MFHAS1: variants seen among roughly 807,000 people sequenced by gnomAD.
MFHAS1 encodes the protein malignant fibrous histiocytoma-amplified sequence 1.
A neutral mutation model predicts 70.4 loss-of-function variants in MFHAS1; 50 were observed. The ratio of observed to expected loss-of-function variants is 0.71; its 90% CI spans 0.57 to 0.90. The LOEUF is 0.90. MFHAS1 is among the 40% of genes least tolerant of loss of function. MFHAS1 has a pLI of 0.00. For synonymous variants in MFHAS1, 952 were observed against 620.0 expected, an observed-to-expected ratio of 1.54 and a Z score of -7.96; for missense variants, 1,795 against 1,347.6, an observed-to-expected ratio of 1.33 and a Z score of -5.20.
chr8:8,822,828 C>G (rs1050363907), intron 1 of MFHAS1, among the ~76,000 whole-genome samples: 8 of 146,886 alleles, frequency 5.4e-5, no homozygotes, highest in African/African-American at 1.8e-4. Flanking sequence ...GTCAGGGGGA[C>G]TGACACAGGG....
intron 1 of MFHAS1, among the ~76,000 whole-genome samples, chr8:8,885,469 C>G (rs900462290): frequency 2.6e-5 from 4 of 152,180 alleles, no homozygotes; most frequent in African/African-American, 9.7e-5. Context: ...AGGCCCGTGT[C>G]CTAACCACCA....
chr8:8,798,456 G>C (rs540481260), intron 1 of MFHAS1, among the ~76,000 whole-genome samples: 39 of 152,240 alleles, frequency 2.6e-4, no homozygotes, highest in African/African-American at 8.4e-4. Flanking sequence ...CTCCCAAATA[G>C]CTGGGACCAC....
intron 1 of MFHAS1, among the ~76,000 whole-genome samples, chr8:8,823,899 G>A (rs1807058078): frequency 8.0e-6 from 1 of 125,148 alleles, no homozygotes; most frequent in Non-Finnish European, 1.7e-5. Flanking sequence ...ATGTATGAGT[G>A]AGCGCTCACA....
At chr8:8,888,813 C>T (rs1361829219) in intron 1 of MFHAS1, among the ~76,000 whole-genome samples, 1 of 152,054 alleles carries the variant, frequency 6.6e-6, no homozygotes, top group Admixed American at 6.5e-5. Context: ...CCACAGAATG[C>T]CCAACACAGA....
chr8:8,884,309 G>C (rs568384963), intron 1 of MFHAS1, among the ~76,000 whole-genome samples: 1 of 152,150 alleles, frequency 6.6e-6, no homozygotes, highest in South Asian at 2.1e-4. Context: ...CAAAGTCCCA[G>C]GGAGTTCAGA....
chr8:8,888,666 T>C (rs766885338), intron 1 of MFHAS1, among the ~76,000 whole-genome samples: 13 of 152,226 alleles, frequency 8.5e-5, no homozygotes, highest in African/African-American at 1.4e-4. Flanking sequence ...GCAAAACTTA[T>C]GGAGACAGTA....
chr8:8,833,096 G>A (rs1298060265), intron 1 of MFHAS1, among the ~76,000 whole-genome samples: 2 of 152,088 alleles, frequency 1.3e-5, no homozygotes, highest in South Asian at 4.2e-4. Context: ...GAGAAGGGAA[G>A]GTGCCACACA....
chr8:8,837,581 T>A (rs944438146), intron 1 of MFHAS1, among the ~76,000 whole-genome samples: 1 of 151,792 alleles, frequency 6.6e-6, no homozygotes, highest in African/African-American at 2.4e-5. Flanking sequence ...AGGCGGAGGT[T>A]GCAGTGAGCC....
intron 1 of MFHAS1, among the ~76,000 whole-genome samples, chr8:8,846,266 G>T (rs1452135180): frequency 1.0e-5 from 1 of 99,282 alleles, no homozygotes; most frequent in Non-Finnish European, 2.2e-5. Flanking sequence ...AAAAAAGGGG[G>T]GGGGGGAAGG....
chr8:8,889,096 T>C (rs1324023762), intron 1 of MFHAS1, among the ~76,000 whole-genome samples: 1 of 150,644 alleles, frequency 6.6e-6, no homozygotes, highest in Non-Finnish European at 1.5e-5. Flanking sequence ...CTTATGATGG[T>C]TTAAAAAAAG....
intron 1 of MFHAS1, among the ~76,000 whole-genome samples, chr8:8,870,108 C>A (rs1171259532): frequency 2.0e-5 from 3 of 152,032 alleles, no homozygotes; most frequent in African/African-American, 7.2e-5. Context: ...CACCCAGATG[C>A]CAGAAGTTCC....
Position 8,891,943 on chromosome 8 carries a change from G to C in MFHAS1, c.1116C>G (p.Ile372Met). 6.2e-7 allele frequency: 1 copy of C among 1,611,630 alleles called. No homozygotes were observed. The highest frequency in any genetic ancestry group is 8.5e-7 in the Non-Finnish European group (1 of 1,178,786). Reference sequence around the variant, plus strand: ...GGGGCTGGATCAGTGGGTTGTCTTTGATCTTCCACAAACCCACCCGGGAGA... The same window carrying C: ...GGGGCTGGATCAGTGGGTTGTCTTTCATCTTCCACAAACCCACCCGGGAGA... ...GQLSRVGLWK[I>M]KDNPLIQPPY... The change falls in exon 1 of 3, where the codon ATC (isoleucine) becomes ATG (methionine). Residue 372 changes from isoleucine to methionine, a missense_variant. By Grantham distance (10) the Ile-to-Met change is conservative. Coordinates refer to ENST00000276282, the MANE Select transcript of MFHAS1 (RefSeq NM_004225.3). The surrounding 1 kb of genome is among the most constrained non-coding windows in gnomAD (Gnocchi z 5.4).
intron 1 of MFHAS1, among the ~76,000 whole-genome samples, chr8:8,816,887 T>C (rs1336068792): frequency 6.6e-6 from 1 of 152,200 alleles, no homozygotes; most frequent in Non-Finnish European, 1.5e-5. Context: ...CTCTTACCCA[T>C]CTCTAATCAA....
chr8:8,788,355 T>C (rs968910908), intron 2 of MFHAS1, among the ~76,000 whole-genome samples: 1 of 152,194 alleles, frequency 6.6e-6, no homozygotes, highest in Non-Finnish European at 1.5e-5. Context: ...CAAGATACTA[T>C]GAGATCATTA....
At chr8:8,790,168 T>C (rs570571440) in intron 2 of MFHAS1, among the ~76,000 whole-genome samples, 1 of 152,192 alleles carries the variant, frequency 6.6e-6, no homozygotes, top group Non-Finnish European at 1.5e-5. Flanking sequence ...CTAATTCCCA[T>C]ATGCAACTTG....
chr8:8,869,721 C>T (rs117388780), intron 1 of MFHAS1, among the ~76,000 whole-genome samples: 2,679 of 152,248 alleles, frequency 0.018, 64 homozygotes, highest in Admixed American at 0.055. Context: ...GTCTTCTTCC[C>T]GCTGTGGTTA....
intron 1 of MFHAS1, among the ~76,000 whole-genome samples, chr8:8,832,056 G>GCACACACACA (rs1464235374): frequency 4.6e-4 from 63 of 136,036 alleles, no homozygotes; most frequent in African/African-American, 1.8e-3. Flanking sequence ...GCACGCGCGC[G>GCACACACACA]CGCGCGCACA....
chr8:8,864,504 T>C (rs1028116581), intron 1 of MFHAS1, among the ~76,000 whole-genome samples: 1 of 152,256 alleles, frequency 6.6e-6, no homozygotes, highest in Non-Finnish European at 1.5e-5. Flanking sequence ...TATGTTAACC[T>C]TGATGTGTTT....
intron 1 of MFHAS1, among the ~76,000 whole-genome samples, chr8:8,846,564 C>G (rs1017860742): frequency 6.6e-6 from 1 of 152,058 alleles, no homozygotes; most frequent in Non-Finnish European, 1.5e-5. Flanking sequence ...TCAAAGTTCC[C>G]AAGCCTCACA....
Sources: allele counts gnomAD v4.1 joint callset (sites outside exome capture counted in the v4.1 genomes callset), GRCh38; gene constraint gnomAD v4.1.1; non-coding constraint Gnocchi (gnomAD v3.1); transcripts MANE v1.5; gene names NCBI Gene and HGNC (gene_info 2026-07-23, HGNC 2026-07-21).